Variants in AK9 observed in about 807,000 individuals in gnomAD.
AK9 encodes the protein adenylate kinase 9.
Under a neutral mutation model 239.6 loss-of-function variants are expected in AK9, and 191 were observed. The observed-to-expected ratio is 0.80, with a 90% CI of 0.71 to 0.90. AK9 has a LOEUF of 0.90. Among genes scored for constraint, AK9 ranks in the 40% least tolerant of loss-of-function variants. The pLI, the probability that AK9 is intolerant of heterozygous loss-of-function variation, is 0.00. For synonymous variants in AK9, 689 were observed against 721.0 expected (o/e 0.96, Z 0.71); for missense variants, 1,995 against 2,214.7 (o/e 0.90, Z 1.99).
At chr6:109,671,178 T>G (rs1008601337) in intron 5 of AK9, among the ~76,000 whole-genome samples, 4 of 152,208 alleles carry the variant, frequency 2.6e-5, no homozygotes, top group Non-Finnish European at 5.9e-5. Context: ...TTTCCTGTAT[T>G]TTTATTCCTG....
Position 109,542,155 on chromosome 6 carries a change from A to G in AK9, c.3242T>C (p.Leu1081Pro), listed in dbSNP as rs1426307185. 6.3e-7 allele frequency: 1 copy of G among 1,596,218 alleles called. No individual in the cohort carries two copies. Among genetic ancestry groups the G allele is most frequent in the South Asian group, 1.1e-5 (1 of 87,120 alleles). The change falls in exon 27 of 41, where the codon CTT becomes CCT. Residue 1081 changes from leucine to proline, a missense_variant. Leu to Pro is a moderately conservative substitution (Grantham distance 98). This residue lies in a region of AK9 where 1,290 missense variants were observed against 1,392.7 expected (regional missense o/e 0.93). Transcript: ENST00000424296. ...TTTGATTACTTCTTCTTCTTCTGTA[A>G]GTTGTACTTCTGGAAGCTAAAAACA... ...NTKKQLPEVQ[L>P]TEEEEVIKSS...
At chr6:109,508,030 C>T (rs934378887) in intron 33 of AK9, among the ~76,000 whole-genome samples, 3 of 152,160 alleles carry the variant, frequency 2.0e-5, no homozygotes, top group Non-Finnish European at 4.4e-5. Context: ...CATGTGGCTT[C>T]GCTGGAGTCT....
chr6:109,689,407 C>A (rs534684462), intron 1 of AK9, among the ~76,000 whole-genome samples: 33 of 152,316 alleles, frequency 2.2e-4, no homozygotes, highest in Middle Eastern at 3.4e-3. Context: ...GCATGTGCGA[C>A]TTTTTGCCTA....
At chr6:109,621,893 T>TAAAAAAAAA (rs59405869) in intron 12 of AK9, among the ~76,000 whole-genome samples, 2 of 55,530 alleles carry the variant, frequency 3.6e-5, no homozygotes, top group African/African-American at 9.3e-5. Flanking sequence ...AAAGTATAAT[T>TAAAAAAAAA]AAAAAAAAAA....
At chr6:109,567,297 A>C (rs973425889) in intron 21 of AK9, among the ~76,000 whole-genome samples, 1 of 152,208 alleles carries the variant, frequency 6.6e-6, no homozygotes, top group African/African-American at 2.4e-5. Flanking sequence ...GAATACTATA[A>C]ACACTTCTAC....
At chr6:109,566,600 T>A (rs1786551946) in intron 21 of AK9, among the ~76,000 whole-genome samples, 1 of 152,138 alleles carries the variant, frequency 6.6e-6, no homozygotes, top group Admixed American at 6.5e-5. Flanking sequence ...CAAGGAAATC[T>A]AAAATGCAAT....
At chr6:109,543,207 C>T (rs1322326861) in intron 26 of AK9, among the ~76,000 whole-genome samples, 1 of 152,078 alleles carries the variant, frequency 6.6e-6, no homozygotes, top group Non-Finnish European at 1.5e-5. Context: ...AAAAATGAAA[C>T]ATTTTTGTTG....
chr6:109,508,165 C>G (rs1269551085), intron 33 of AK9, among the ~76,000 whole-genome samples: 1 of 152,186 alleles, frequency 6.6e-6, no homozygotes, highest in Non-Finnish European at 1.5e-5. Flanking sequence ...CACTGGCCTA[C>G]AATTCTACAG....
chr6:109,607,768 G>GGGGTGT (rs1554268777), intron 17 of AK9, among the ~76,000 whole-genome samples: 12 of 145,382 alleles, frequency 8.3e-5, no homozygotes, highest in African/African-American at 1.8e-4. Flanking sequence ...CCAGCAGAGG[G>GGGGTGT]GTGTGTGTGT....
chr6:109,573,317 C>T, intron 21 of AK9, 125 bp downstream of exon 21: 14 of 1,061,286 alleles, frequency 1.3e-5, no homozygotes, highest in Non-Finnish European at 1.8e-5. Flanking sequence ...TGGCTGCTCT[C>T]TGGGGGCTCA....
At chr6:109,653,672 AT>A (rs71721169) in intron 8 of AK9, among the ~76,000 whole-genome samples, 3,689 of 85,088 alleles carry the variant, frequency 0.043, 83 homozygotes, top group African/African-American at 0.083. Context: ...TCTTGTTTAG[AT>A]TTTTTTTTTT....
intron 17 of AK9, among the ~76,000 whole-genome samples, chr6:109,609,779 T>A (rs1371511799): frequency 6.6e-6 from 1 of 152,222 alleles, no homozygotes; most frequent in East Asian, 1.9e-4. Flanking sequence ...CATTTGACTT[T>A]TGCTCTGAAT....
At chr6:109,605,797 G>A (rs1005368966) in intron 17 of AK9, among the ~76,000 whole-genome samples, 1 of 152,048 alleles carries the variant, frequency 6.6e-6, no homozygotes, top group African/African-American at 2.4e-5. Context: ...TGGATGAATC[G>A]GCCACACAGC....
chr6:109,664,726 A>G (rs1000100001), intron 5 of AK9, among the ~76,000 whole-genome samples: 1 of 151,214 alleles, frequency 6.6e-6, no homozygotes, highest in African/African-American at 2.4e-5. Flanking sequence ...TCAGGCCACA[A>G]TCTTTTATTT....
At chr6:109,567,309 C>T (rs1207632465) in intron 21 of AK9, among the ~76,000 whole-genome samples, 1 of 152,124 alleles carries the variant, frequency 6.6e-6, no homozygotes, top group East Asian at 1.9e-4. Context: ...CACTTCTACG[C>T]AAATAAACTA....
chr6:109,667,406 T>C (rs60927725), intron 5 of AK9, among the ~76,000 whole-genome samples: 4,377 of 152,274 alleles, frequency 0.029, 98 homozygotes, highest in East Asian at 0.11. Flanking sequence ...TTTTATTTTA[T>C]TTATTTTTAA....
chr6:109,588,103 C>T (rs1457373065), intron 17 of AK9, among the ~76,000 whole-genome samples: 1 of 151,478 alleles, frequency 6.6e-6, no homozygotes, highest in Non-Finnish European at 1.5e-5. Context: ...CGGAGTTTCG[C>T]TCTGTCGCCC....
At chr6:109,678,048 T>C (rs1258515919) in intron 1 of AK9, among the ~76,000 whole-genome samples, 3 of 152,170 alleles carry the variant, frequency 2.0e-5, no homozygotes, top group Non-Finnish European at 4.4e-5. Context: ...TGACTAGCCA[T>C]TGCACTTTTT....
chr6:109,674,222 C>A lies in AK9; in HGVS notation c.157G>T (p.Ala53Ser), dbSNP rs376957917. Residue 53 changes from alanine (A) to serine (S), a missense_variant, in exon 3 of 41, where the codon GCA becomes TCA. This residue lies in a region of AK9 where 252 missense variants were observed against 246.4 expected (regional missense o/e 1.02). Coordinates refer to ENST00000424296, the MANE Select transcript of AK9 (RefSeq NM_001145128.3). ...CCTTCAACACGAATACATTTCCATG[C>A]CTGTGTTATGTAACGGGCTAATGTT... ...KTTLARYITQ[A>S]WKCIRVEALP... 7 of 1,586,286 alleles carry A rather than the reference C, an allele frequency of 4.4e-6. No individual in the cohort carries two copies. The African/African-American group carries it at 8.1e-5, about 18-fold the overall frequency.
Sources: gnomAD v4.1 joint callset for allele counts (sites outside exome capture counted in the v4.1 genomes callset) on GRCh38, gnomAD v4.1.1 for gene constraint, gnomAD v4.1.1 regional missense constraint, MANE v1.5 for transcripts, NCBI Gene and HGNC (gene_info 2026-07-23, HGNC 2026-07-21) for gene names.